The following THSD7B variants were observed in gnomAD, a reference collection of about 807,000 sequenced individuals.
The protein encoded by THSD7B is thrombospondin type 1 domain containing 7B, also known as thrombospondin type-1 domain-containing protein 7B.
In THSD7B, 138 loss-of-function variants were observed where a neutral mutation model predicts 213.6. The ratio of observed to expected loss-of-function variants is 0.65; its 90% CI spans 0.56 to 0.74. The LOEUF is 0.74. Ranked by LOEUF, THSD7B falls within the 30% of genes least tolerant of loss-of-function variation. The pLI, the probability that THSD7B is intolerant of heterozygous loss-of-function variation, is 0.00. For synonymous variants in THSD7B, 742 were observed against 687.0 expected, an observed-to-expected ratio of 1.08 and a Z score of -1.25; for missense variants, 1,931 against 1,991.5, an observed-to-expected ratio of 0.97 and a Z score of 0.58.
At chr2:137,464,922 C>T (rs1016599366) in intron 15 of THSD7B, among the ~76,000 whole-genome samples, 1 of 151,930 alleles carries the variant, frequency 6.6e-6, no homozygotes, top group Non-Finnish European at 1.5e-5. Flanking sequence ...GGTGTATAAT[C>T]ATCTCTCTCT....
At chr2:137,473,792 T>C (rs528317210) in intron 15 of THSD7B, among the ~76,000 whole-genome samples, 2 of 152,318 alleles carry the variant, frequency 1.3e-5, no homozygotes, top group African/African-American at 4.8e-5. Flanking sequence ...ATCTGCTTTA[T>C]GATTATGAAA....
intron 2 of THSD7B, among the ~76,000 whole-genome samples, chr2:137,015,356 C>G (rs1156508866): frequency 6.6e-6 from 1 of 152,080 alleles, no homozygotes; most frequent in African/African-American, 2.4e-5. Context: ...TGAGGGCTCC[C>G]CTCTCACTTC....
chr2:137,170,828 A>T lies in THSD7B; in HGVS notation c.1613A>T (p.Glu538Val). Reference sequence around the variant, plus strand: ...CATTTGGTGGAGTCTGTTCCTTGTGAGGATCCAATGTGCTACCGATGGCTG... The same window carrying T: ...CATTTGGTGGAGTCTGTTCCTTGTGTGGATCCAATGTGCTACCGATGGCTG... ...CPHLVESVPCEDPMCYRWLAS... is the reference protein window; with the variant it reads ...CPHLVESVPCVDPMCYRWLAS... Residue 538 changes from glutamate to valine, a missense_variant, in exon 7 of 28, where the codon GAG becomes GTG. Transcript: ENST00000409968. 6.2e-7 allele frequency: 1 copy of T among 1,613,724 alleles called. No homozygotes were observed. Among genetic ancestry groups the T allele is most frequent in the Non-Finnish European group, 8.5e-7 (1 of 1,179,788 alleles).
At chr2:137,022,530 C>A (rs1466541625) in intron 2 of THSD7B, among the ~76,000 whole-genome samples, 2 of 150,994 alleles carry the variant, frequency 1.3e-5, no homozygotes, top group Non-Finnish European at 2.9e-5. Flanking sequence ...TGAAGATGTA[C>A]CACAAAAAAA....
At chr2:137,009,472 C>T (rs146533930) in intron 2 of THSD7B, among the ~76,000 whole-genome samples, 3 of 152,234 alleles carry the variant, frequency 2.0e-5, no homozygotes, top group Non-Finnish European at 2.9e-5. Flanking sequence ...TCATATTAGT[C>T]TGTTTTCATG....
chr2:137,233,198 G>A, intron 9 of THSD7B, 65 bp downstream of exon 9: 6 of 1,433,988 alleles, frequency 4.2e-6, no homozygotes, highest in South Asian at 2.5e-5. Context: ...TTAGTTGAAA[G>A]CATTTATCAA....
intron 7 of THSD7B, among the ~76,000 whole-genome samples, chr2:137,206,273 G>C (rs1310218043): frequency 6.6e-6 from 1 of 151,776 alleles, no homozygotes; most frequent in African/African-American, 2.4e-5. Context: ...GATTATGAGA[G>C]GTGAAATGAC....
chr2:136,780,054 G>A (rs1681710129), intron 1 of THSD7B, among the ~76,000 whole-genome samples: 1 of 152,142 alleles, frequency 6.6e-6, no homozygotes, highest in Admixed American at 6.5e-5. Context: ...GGGTGTGTGT[G>A]TCTATGTGTG....
chr2:137,074,297 A>G (rs36154241), intron 3 of THSD7B, among the ~76,000 whole-genome samples: 2 of 152,008 alleles, frequency 1.3e-5, no homozygotes, highest in African/African-American at 4.8e-5. Flanking sequence ...TATTTAGGAT[A>G]GTTAGCTCTT....
intron 15 of THSD7B, among the ~76,000 whole-genome samples, chr2:137,505,007 AG>A (rs1573670345): frequency 6.6e-6 from 1 of 151,270 alleles, no homozygotes; most frequent in East Asian, 2.0e-4. Flanking sequence ...GAAGGGAGAA[AG>A]GGAGGAAGGG....
chr2:137,249,018 T>G (rs1682108036), intron 10 of THSD7B, among the ~76,000 whole-genome samples: 1 of 152,116 alleles, frequency 6.6e-6, no homozygotes, highest in Non-Finnish European at 1.5e-5. Flanking sequence ...GTCTGTAATT[T>G]AAAGTCCATA....
intron 1 of THSD7B, among the ~76,000 whole-genome samples, chr2:136,784,425 T>C (rs914076237): frequency 8.5e-5 from 13 of 152,118 alleles, no homozygotes; most frequent in Non-Finnish European, 1.9e-4. Context: ...TTGTAAGACA[T>C]TAAAGGGCTT....
intron 1 of THSD7B, among the ~76,000 whole-genome samples, chr2:136,833,363 CAAA>C (rs10639590): frequency 2.3e-4 from 13 of 55,478 alleles, no homozygotes; most frequent in African/African-American, 7.7e-4. Flanking sequence ...GACTCCGTCT[CAAA>C]AAAAAAAAAA....
rs1446670726 is a variant in THSD7B, at chr2:136,841,814, C to T, written c.-35-40330C>T. ...GATGGTTGCTTACGAATCTGGATCTCAGACTAGCAGTCAGAGCTAGAGACA... is the reference window on the plus strand; with the variant it reads ...GATGGTTGCTTACGAATCTGGATCTTAGACTAGCAGTCAGAGCTAGAGACA... On this transcript the variant is annotated intron_variant, in intron 1 of 27. Coordinates refer to ENST00000409968, the MANE Select transcript of THSD7B (RefSeq NM_001316349.2). Among the ~76,000 whole-genome samples the T allele has an allele frequency of 2.6e-5, 4 of 152,132 alleles. No homozygotes were observed. The East Asian group carries it at 7.7e-4, about 29-fold the overall frequency.
intron 17 of THSD7B, among the ~76,000 whole-genome samples, chr2:137,589,634 A>C (rs1681821341): frequency 6.6e-6 from 1 of 152,136 alleles, no homozygotes; most frequent in Non-Finnish European, 1.5e-5. Flanking sequence ...CTAGACTTTT[A>C]CATTTGCTCT....
intron 12 of THSD7B, among the ~76,000 whole-genome samples, chr2:137,321,450 A>C (rs150984229): frequency 1.3e-5 from 2 of 152,276 alleles, no homozygotes; most frequent in East Asian, 3.9e-4. Context: ...TGTTTGTGCT[A>C]ATGAGTTGAC....
At chr2:137,216,450 A>G (rs1191255520) in intron 7 of THSD7B, among the ~76,000 whole-genome samples, 2 of 152,122 alleles carry the variant, frequency 1.3e-5, no homozygotes, top group South Asian at 2.1e-4. Flanking sequence ...ATGGATAGAA[A>G]TTAGTTTTGA....
At position 137,411,626 on chromosome 2, in the gene THSD7B, G is replaced by A. The variant is rs1452479802; in HGVS notation, c.2713G>A (p.Glu905Lys). The change falls in exon 14 of 28, where the codon GAG becomes AAG. Residue 905 changes from glutamate to lysine, a missense_variant. By Grantham distance (56) the Glu-to-Lys change is moderately conservative. Coordinates refer to ENST00000409968, the MANE Select transcript of THSD7B (RefSeq NM_001316349.2). Reference protein sequence around the residue: ...RQLTGKSRKKEKCQDSDLYPL... With the variant: ...RQLTGKSRKKKKCQDSDLYPL... ...TGGAACAGGGAAAAGCAGAAAGAAG[G>A]AGAAATGCCAGGATTCTGACCTTTA... The A allele has an allele frequency of 1.9e-6, 3 of 1,611,242 alleles. No individual in the cohort carries two copies. Among genetic ancestry groups the A allele is most frequent in the African/African-American group, 1.3e-5 (1 of 74,820 alleles).
intron 14 of THSD7B, among the ~76,000 whole-genome samples, chr2:137,414,694 T>C (rs1180221183): frequency 6.6e-6 from 1 of 152,104 alleles, no homozygotes; most frequent in Non-Finnish European, 1.5e-5. Context: ...CACTCCAGCC[T>C]GTGTGAAAGA....
Sources: gnomAD v4.1 joint callset for allele counts (sites outside exome capture counted in the v4.1 genomes callset) on GRCh38, gnomAD v4.1.1 for gene constraint, MANE v1.5 for transcripts, NCBI Gene and HGNC (gene_info 2026-07-23, HGNC 2026-07-21) for gene names.